EDN1: variants seen among roughly 807,000 people sequenced by gnomAD.
EDN1 encodes endothelin 1.
EDN1 carries 11 observed loss-of-function variants against 21.7 expected under a neutral mutation model. That is an observed-to-expected ratio of 0.51 (90% CI 0.32 to 0.84). EDN1 has a LOEUF of 0.84. Among genes scored for constraint, EDN1 ranks in the 40% least tolerant of loss-of-function variants. The pLI, the probability that EDN1 is intolerant of heterozygous loss-of-function variation, is 0.03. For synonymous variants in EDN1, 85 were observed against 90.6 expected, an observed-to-expected ratio of 0.94 and a Z score of 0.35; for missense variants, 244 against 262.3, an observed-to-expected ratio of 0.93 and a Z score of 0.48.
At chr6:12,251,905 T>C in the EDN1 span, among the ~76,000 whole-genome samples, 1,712 of 152,322 alleles carry the variant, frequency 0.011, 25 homozygotes, top group African/African-American at 0.039. Flanking sequence ...AGTAAAAGTA[T>C]TGCCTTAAAA....
At chr6:12,290,267 A>G, upstream of EDN1, 2 of 302,656 alleles carry the variant, frequency 6.6e-6, no homozygotes, top group Non-Finnish European at 6.4e-6. Context: ...TAATAACACA[A>G]TAACATTGTC....
At chr6:12,272,932 A>G in the EDN1 span, among the ~76,000 whole-genome samples, 1 of 152,206 alleles carries the variant, frequency 6.6e-6, no homozygotes, top group Non-Finnish European at 1.5e-5. Context: ...AACACATGGG[A>G]CTGGTGCTAT....
chr6:12,275,162 G>A, the EDN1 span, among the ~76,000 whole-genome samples: 10 of 152,136 alleles, frequency 6.6e-5, no homozygotes, highest in African/African-American at 2.4e-4. Flanking sequence ...GGTACCCACG[G>A]GGGTCCCTCA....
chr6:12,260,864 G>C, the EDN1 span, among the ~76,000 whole-genome samples: 1 of 152,030 alleles, frequency 6.6e-6, no homozygotes, highest in Non-Finnish European at 1.5e-5. Context: ...TACTTGCTCT[G>C]CAAAGATTTG....
the EDN1 span, among the ~76,000 whole-genome samples, chr6:12,262,067 A>T: frequency 2.6e-5 from 4 of 152,198 alleles, no homozygotes; most frequent in Non-Finnish European, 5.9e-5. Flanking sequence ...ATACCTCCAC[A>T]AACTATTGTT....
chr6:12,294,920 C>CTTTTTTTTTTTTTTTT (rs61701314), intron 4 of EDN1, among the ~76,000 whole-genome samples: 5 of 107,624 alleles, frequency 4.6e-5, no homozygotes, highest in African/African-American at 1.8e-4. Context: ...GGTTTATGGT[C>CTTTTTTTTTTTTTTTT]TTTTTTTTTT....
At chr6:12,275,625 T>G in the EDN1 span, among the ~76,000 whole-genome samples, 1 of 152,172 alleles carries the variant, frequency 6.6e-6, no homozygotes, top group East Asian at 1.9e-4. Flanking sequence ...TTTCTCACTT[T>G]CTTCTTAACA....
the EDN1 span, among the ~76,000 whole-genome samples, chr6:12,243,391 T>G: frequency 6.8e-6 from 1 of 147,250 alleles, no homozygotes; most frequent in Admixed American, 6.8e-5. Context: ...GTGGAGGAGG[T>G]GGGAGGGAGG....
chr6:12,288,525 G>A (rs1476189508), upstream of EDN1, among the ~76,000 whole-genome samples: 4 of 123,288 alleles, frequency 3.2e-5, no homozygotes, highest in South Asian at 2.3e-4. Flanking sequence ...CAGGGGCCCC[G>A]GCAGAGGCCC....
chr6:12,241,754 T>G, the EDN1 span, among the ~76,000 whole-genome samples: 2 of 152,220 alleles, frequency 1.3e-5, no homozygotes, highest in Non-Finnish European at 2.9e-5. Flanking sequence ...AACACTTTTT[T>G]TGGAGACTCA....
At chr6:12,234,335 T>A in the EDN1 span, among the ~76,000 whole-genome samples, 1 of 152,216 alleles carries the variant, frequency 6.6e-6, no homozygotes, top group African/African-American at 2.4e-5. Context: ...TTTCTGCTGC[T>A]TCTCTGGGTT....
At chr6:12,266,542 A>G in the EDN1 span, among the ~76,000 whole-genome samples, 7 of 152,266 alleles carry the variant, frequency 4.6e-5, no homozygotes, top group African/African-American at 1.7e-4. Flanking sequence ...AGCACTAAGT[A>G]AATTGTGACG....
At chr6:12,290,791 T>G in intron 1 of EDN1, 98 bp downstream of exon 1, 1 of 1,062,036 alleles carries the variant, frequency 9.4e-7, no homozygotes, top group South Asian at 1.3e-5. Context: ...CCCGTTCTTT[T>G]TATGACTGCA....
chr6:12,231,357 A>G, the EDN1 span, among the ~76,000 whole-genome samples: 5 of 152,210 alleles, frequency 3.3e-5, no homozygotes, highest in African/African-American at 1.2e-4. Flanking sequence ...GAAAAGATAA[A>G]AGCATCAACT....
At chr6:12,263,674 G>A in the EDN1 span, among the ~76,000 whole-genome samples, 4 of 152,166 alleles carry the variant, frequency 2.6e-5, no homozygotes, top group South Asian at 2.1e-4. Context: ...CAATGAGATC[G>A]TGGAAGAGAG....
At position 12,295,976 on chromosome 6, in the gene EDN1, G is replaced by C. The variant is rs1349873879; in HGVS notation, c.548G>C (p.Arg183Thr). Reference protein sequence around the residue: ...HLRQTRSETMRNSVKSSFHDP... With the variant: ...HLRQTRSETMTNSVKSSFHDP... ...TGCTTTATTAGGTCGGAGACCATGA[G>C]AAACAGCGTCAAATCATCTTTTCAT... The change falls in exon 5 of 5, where the codon AGA becomes ACA. Residue 183 changes from arginine (R) to threonine (T), a missense_variant. Transcript: ENST00000379375. 1 of 1,614,028 alleles carries C rather than the reference G, an allele frequency of 6.2e-7. No individual in the cohort carries two copies. The highest frequency in any genetic ancestry group is 8.5e-7 in the Non-Finnish European group (1 of 1,179,950).
At chr6:12,254,362 T>G in the EDN1 span, among the ~76,000 whole-genome samples, 11 of 152,190 alleles carry the variant, frequency 7.2e-5, no homozygotes, top group Admixed American at 1.3e-4. Flanking sequence ...TTGTAAACCT[T>G]TCCTCACTCT....
In EDN1 at chr6:12,296,199, C is replaced by T; in HGVS notation, c.*132C>T. On this transcript the variant is annotated 3_prime_UTR_variant, in exon 5 of 5. Transcript: ENST00000379375. ...TTCCTGACTGGCAAAGGACCAGCGT[C>T]CTCGTTCAAAACATTCCAAGAAAGG... 3.7e-6 allele frequency: 3 copies of T among 819,002 alleles called. No individual in the cohort carries two copies. Among genetic ancestry groups the T allele is most frequent in the Non-Finnish European group, 6.3e-6 (3 of 475,658 alleles). The allele number at this position is 819,002 out of a possible 1,614,324, so 50.7% of individuals were successfully genotyped here. A position where few individuals can be genotyped will look rare whatever the true frequency, so the allele number is the denominator to read the frequency against.
At chr6:12,236,088 A>G in the EDN1 span, among the ~76,000 whole-genome samples, 1 of 152,218 alleles carries the variant, frequency 6.6e-6, no homozygotes, top group African/African-American at 2.4e-5. Flanking sequence ...AGATAACTGA[A>G]TTGTTTCTTG....
Sources: gnomAD v4.1 joint callset for allele counts (sites outside exome capture counted in the v4.1 genomes callset) on GRCh38, gnomAD v4.1.1 for gene constraint, MANE v1.5 for transcripts, NCBI Gene and HGNC (gene_info 2026-07-23, HGNC 2026-07-21) for gene names.